The following COL14A1 variants were observed in gnomAD, a reference collection of about 807,000 sequenced individuals.
The protein encoded by COL14A1 is collagen alpha-1(XIV) chain.
In COL14A1, 136 loss-of-function variants were observed where a neutral mutation model predicts 230.3. The ratio of observed to expected loss-of-function variants is 0.59; its 90% confidence interval spans 0.51 to 0.68. The LOEUF (loss-of-function observed/expected upper bound fraction) is 0.68. Ranked by LOEUF, COL14A1 falls within the 30% of genes least tolerant of loss-of-function variation. The pLI, the probability that COL14A1 is intolerant of heterozygous loss-of-function variation, is 0.00. For synonymous variants in COL14A1, 792 were observed against 784.1 expected (o/e 1.01, Z -0.17); for missense variants, 1,976 against 2,215.8 (o/e 0.89, Z 2.17).
chr8:120,136,750 G>A (rs887654533), intron 1 of COL14A1, among the ~76,000 whole-genome samples: 4 of 151,826 alleles, frequency 2.6e-5, no homozygotes, highest in African/African-American at 9.7e-5. Context: ...GATCACTTGA[G>A]GCCAGGTGTT....
At chr8:120,194,934 TGTG>T (rs1816975634) in intron 5 of COL14A1, among the ~76,000 whole-genome samples, 1 of 152,238 alleles carries the variant, frequency 6.6e-6, no homozygotes, top group Non-Finnish European at 1.5e-5. Context: ...TTTTTCTTAG[TGTG>T]GTACAGTAGG....
chr8:120,165,711 A>G (rs1815844372), intron 4 of COL14A1, among the ~76,000 whole-genome samples: 1 of 152,112 alleles, frequency 6.6e-6, no homozygotes, highest in African/African-American at 2.4e-5. Flanking sequence ...GACTGCTTTT[A>G]TAGCTCTGTG....
At chr8:120,332,290 G>T in intron 41 of COL14A1, 96 bp downstream of exon 41, 1 of 1,183,252 alleles carries the variant, frequency 8.5e-7, no homozygotes, top group Non-Finnish European at 1.2e-6. Flanking sequence ...ACCAGCAGCC[G>T]TCTTCACTAT....
chr8:120,296,163 C>A (rs1189128737), intron 34 of COL14A1, among the ~76,000 whole-genome samples: 3 of 151,566 alleles, frequency 2.0e-5, no homozygotes, highest in African/African-American at 7.3e-5. Context: ...GGAGGGGAAC[C>A]TTAAACCACC....
intron 13 of COL14A1, 82 bp from the exon 14 acceptor site, chr8:120,216,269 G>T: frequency 2.6e-6 from 3 of 1,155,492 alleles, no homozygotes; most frequent in Non-Finnish European, 3.7e-6. Flanking sequence ...TATGTAAATA[G>T]TTTAGAAGTC....
At position 120,274,683 on chromosome 8, in the gene COL14A1, C is replaced by A. The variant is rs760514391; in HGVS notation, c.3214-3428C>A. ...AGTAGCACTGCTATACACCAACGAT[C>A]AATTCTGAGATAAGAGATAAGGCCT... On this transcript the variant is annotated intron_variant, in intron 26 of 47. Transcript: ENST00000297848. Among the ~76,000 whole-genome samples, 3 of 151,408 alleles carry A rather than the reference C, an allele frequency of 2.0e-5. No homozygotes were observed. The South Asian group carries it at 6.2e-4, about 31-fold the overall frequency.
chr8:120,365,857 T>C lies in COL14A1; in HGVS notation c.5078-1314T>C, dbSNP rs527528174. Among the ~76,000 whole-genome samples, 10 of 152,324 alleles carry C rather than the reference T, an allele frequency of 6.6e-5. No homozygotes were observed. The South Asian group carries it at 2.1e-3, about 32-fold the overall frequency. On this transcript the variant is annotated intron_variant, in intron 45 of 47. Transcript: ENST00000297848. The stretch of plus-strand genomic sequence containing the variant: ...AATAGGATTGGGTGTTTGGGAATTC[T>C]AGCAATGAGTAGACCAACCTGGATG...
chr8:120,190,063 G>A (rs35739435), intron 5 of COL14A1, among the ~76,000 whole-genome samples: 60,332 of 147,772 alleles, frequency 0.41, 12,373 homozygotes, highest in Admixed American at 0.5. Context: ...TCGCCACACT[G>A]ACTTCCACAA....
At chr8:120,221,560 G>GCA (rs142408225) in intron 14 of COL14A1, among the ~76,000 whole-genome samples, 3,198 of 149,286 alleles carry the variant, frequency 0.021, 92 homozygotes, top group African/African-American at 0.066. Context: ...ACACACACAT[G>GCA]CACACACACA....
intron 33 of COL14A1, among the ~76,000 whole-genome samples, chr8:120,288,581 C>A (rs989032241): frequency 6.6e-6 from 1 of 152,086 alleles, no homozygotes; most frequent in Non-Finnish European, 1.5e-5. Context: ...GATTGTTTTT[C>A]TTTGAACTAC....
chr8:120,151,938 A>G (rs1436727136), intron 2 of COL14A1, among the ~76,000 whole-genome samples: 1 of 152,094 alleles, frequency 6.6e-6, no homozygotes, highest in African/African-American at 2.4e-5. Flanking sequence ...TTGAAGATGG[A>G]AAGAGACCAC....
chr8:120,184,212 G>GT lies in COL14A1; in HGVS notation c.437-12579_437-12578insT, dbSNP rs202092578. Among the ~76,000 whole-genome samples, 246 of 133,198 alleles carry GT rather than the reference G, an allele frequency of 1.8e-3. 2 individuals carry two copies. The highest frequency in any genetic ancestry group is 8.4e-3 in the African/African-American group (229 of 27,156). The allele number at this position is 133,198 out of a possible 152,430, so 87.4% of individuals were successfully genotyped here. On this transcript the variant is annotated intron_variant, in intron 5 of 47. Coordinates refer to ENST00000297848, the MANE Select transcript of COL14A1 (RefSeq NM_021110.4). ...TGAGATGTGTTTGTGGTGTGTGTGT[G>GT]GGGGGGGAAGAGATTTATTTATTTA...
chr8:120,199,571 G>A lies in COL14A1; in HGVS notation c.877+5G>A, dbSNP rs776418209. On this transcript the variant is annotated splice_donor_5th_base_variant and intron_variant, in intron 8 of 47. Coordinates refer to ENST00000297848, the MANE Select transcript of COL14A1 (RefSeq NM_021110.4). ...GTGTAGAACTGTTTGCCATAGGTAT[G>A]TGCTCTTTATAGTCTTGTTTCAACT... The A allele has an allele frequency of 1.7e-5, 28 of 1,609,510 alleles. No individual in the cohort carries two copies. The highest frequency in any genetic ancestry group is 2.1e-5 in the Non-Finnish European group (25 of 1,178,272).
chr8:120,170,076 G>A (rs758040338), intron 5 of COL14A1, among the ~76,000 whole-genome samples: 6 of 151,886 alleles, frequency 4.0e-5, no homozygotes, highest in Non-Finnish European at 8.8e-5. Context: ...CTTTGCTTAT[G>A]TCTCCTTCTG....
chr8:120,370,620 C>A, intron 47 of COL14A1: 1 of 1,449,874 alleles, frequency 6.9e-7, no homozygotes. Context: ...TGCTCCATGT[C>A]AGCCTGGATA....
At chr8:120,246,139 C>T (rs1818753898) in intron 20 of COL14A1, among the ~76,000 whole-genome samples, 1 of 152,174 alleles carries the variant, frequency 6.6e-6, no homozygotes, top group Admixed American at 6.5e-5. Flanking sequence ...CATTAAAATT[C>T]TGAAGCCCAG....
chr8:120,342,091 G>A lies in COL14A1; in HGVS notation c.4822-289G>A, dbSNP rs543931144. Among the ~76,000 whole-genome samples, 137 of 152,304 alleles carry A rather than the reference G, an allele frequency of 9.0e-4. 1 individual carries two copies. The highest frequency in any genetic ancestry group is 2.9e-3 in the African/African-American group (121 of 41,568). On this transcript the variant is annotated intron_variant, in intron 43 of 47. Transcript: ENST00000297848. The stretch of plus-strand genomic sequence containing the variant: ...AGCTCTAAAGAGCTATATATCACGT[G>A]TTAAATATATATGGGTTTGTTTCAA...
intron 19 of COL14A1, among the ~76,000 whole-genome samples, chr8:120,236,284 T>C (rs1438165353): frequency 6.6e-6 from 1 of 152,232 alleles, no homozygotes; most frequent in Non-Finnish European, 1.5e-5. Flanking sequence ...ATTTGCTTTA[T>C]GAATCTGGGT....
chr8:120,344,607 G>A (rs1011860434), intron 44 of COL14A1, among the ~76,000 whole-genome samples: 2 of 152,192 alleles, frequency 1.3e-5, no homozygotes, highest in African/African-American at 4.8e-5. Context: ...TGCACTGAAT[G>A]TATTTTAGAG....
Sources: gnomAD v4.1 joint callset for allele counts (sites outside exome capture counted in the v4.1 genomes callset) on GRCh38, gnomAD v4.1.1 for gene constraint, MANE v1.5 for transcripts, NCBI Gene and HGNC (gene_info 2026-07-23, HGNC 2026-07-21) for gene names.